Variants in AGAP1 observed in about 807,000 individuals in gnomAD.
The protein encoded by AGAP1 is ArfGAP with GTPase domain, ankyrin repeat and PH domain 1.
Under a neutral mutation model 105.3 loss-of-function variants are expected in AGAP1, and 29 were observed. That is an observed-to-expected ratio of 0.28 (90% CI 0.21 to 0.38). The LOEUF is 0.38. Among genes scored for constraint, AGAP1 ranks in the 10% least tolerant of loss-of-function variants. The probability of loss-of-function intolerance (pLI) is 1.00; values close to 1 mark genes in which losing one functional copy is unlikely to be tolerated. For synonymous variants in AGAP1, 509 were observed against 485.9 expected (o/e 1.05, Z -0.63); for missense variants, 998 against 1,165.1 (o/e 0.86, Z 2.09).
At chr2:235,858,601 T>C (rs1454795795) in intron 9 of AGAP1, among the ~76,000 whole-genome samples, 1 of 152,142 alleles carries the variant, frequency 6.6e-6, no homozygotes, top group South Asian at 2.1e-4. Context: ...TAAAAAAAAA[T>C]ATGAACTAGT....
intron 12 of AGAP1, among the ~76,000 whole-genome samples, chr2:235,942,296 T>C (rs1040735177): frequency 1.3e-4 from 20 of 152,170 alleles, no homozygotes; most frequent in African/African-American, 4.6e-4. Context: ...GAAATTTGCA[T>C]CTCGTTCTTT....
intron 1 of AGAP1, among the ~76,000 whole-genome samples, chr2:235,588,192 T>G (rs1945191930): frequency 6.7e-6 from 1 of 149,362 alleles, no homozygotes; most frequent in African/African-American, 2.5e-5. Context: ...ATTGTACCAC[T>G]GCACTCAGCC....
In AGAP1 at chr2:236,009,104, T is replaced by C. The variant is rs1576044590; in HGVS notation, c.1646-27457T>C. Among the ~76,000 whole-genome samples, 2 of 152,208 alleles carry C rather than the reference T, an allele frequency of 1.3e-5. No individual in the cohort carries two copies. The highest frequency in any genetic ancestry group is 2.4e-5 in the African/African-American group (1 of 41,456). ...GCTCTCCGCTAGGAAGCGGCCATCA[T>C]GTCAAGCCCCTTCACAGCTAAAGTA... On this transcript the variant is annotated intron_variant, in intron 13 of 17. Transcript: ENST00000304032. This position sits in a 1 kb window ranked among gnomAD's most constrained non-coding sequence, Gnocchi z 4.2.
At chr2:235,643,431 C>CAAAAAAAAAAAAAAAA (rs56146940) in intron 1 of AGAP1, among the ~76,000 whole-genome samples, 11 of 61,418 alleles carry the variant, frequency 1.8e-4, no homozygotes, top group African/African-American at 7.5e-4. Context: ...GACTGGGTCT[C>CAAAAAAAAAAAAAAAA]AAAAAAAAAA....
At chr2:236,047,791 A>G (rs931922911) in intron 15 of AGAP1, among the ~76,000 whole-genome samples, 1 of 151,266 alleles carries the variant, frequency 6.6e-6, no homozygotes, top group Non-Finnish European at 1.5e-5. Flanking sequence ...TAGTAGAGAC[A>G]GGGTTTCACC....
chr2:236,022,029 A>T (rs531315099), intron 13 of AGAP1, among the ~76,000 whole-genome samples: 1 of 139,316 alleles, frequency 7.2e-6, no homozygotes, highest in East Asian at 2.2e-4. Flanking sequence ...ACTGCACTCC[A>T]GTCTGGGCGA....
At chr2:235,531,416 T>C (rs1943040321) in intron 1 of AGAP1, among the ~76,000 whole-genome samples, 1 of 152,172 alleles carries the variant, frequency 6.6e-6, no homozygotes, top group Non-Finnish European at 1.5e-5. Flanking sequence ...TCTGCCCTGC[T>C]CTGTGGCTGC....
At position 236,042,592 on chromosome 2, in the gene AGAP1, C is replaced by T. The variant is rs1332589330; in HGVS notation, c.1891+1751C>T. On this transcript the variant is annotated intron_variant, in intron 15 of 17. Coordinates refer to ENST00000304032, the MANE Select transcript of AGAP1 (RefSeq NM_001037131.3). This position sits in a 1 kb window ranked among gnomAD's most constrained non-coding sequence, Gnocchi z 5.6. ...GGAAAATGCCTGCAGTTGTTTCCACCGTGCGTCTGAAGGTCGCTTTAAAAG... is the reference window on the plus strand; with the variant it reads ...GGAAAATGCCTGCAGTTGTTTCCACTGTGCGTCTGAAGGTCGCTTTAAAAG... 3.9e-5 allele frequency among the ~76,000 whole-genome samples: 6 copies of T among 152,238 alleles called. No individual in the cohort carries two copies. The highest frequency in any genetic ancestry group is 1.9e-4 in the East Asian group (1 of 5,170).
Position 235,625,628 on chromosome 2 carries a change from C to G in AGAP1, c.164-83551C>G, listed in dbSNP as rs1175497267. The stretch of plus-strand genomic sequence containing the variant: ...TAATAGGGAACAACATAAATGAGGG[C>G]AGGTGTGTGTTTCAGGGATCTTTGT... On this transcript the variant is annotated intron_variant, in intron 1 of 17. Transcript: ENST00000304032. The surrounding 1 kb of genome is among the most constrained non-coding windows in gnomAD (Gnocchi z 4.0). Among the ~76,000 whole-genome samples, 3 of 152,164 alleles carry G rather than the reference C, an allele frequency of 2.0e-5. No individual in the cohort carries two copies. The highest frequency in any genetic ancestry group is 6.5e-5 in the Admixed American group (1 of 15,282).
intron 12 of AGAP1, among the ~76,000 whole-genome samples, chr2:235,933,135 G>A (rs757022601): frequency 1.3e-5 from 2 of 152,162 alleles, no homozygotes; most frequent in Admixed American, 6.5e-5. Flanking sequence ...TGTGCAGGTC[G>A]TTTAAGGATT....
rs1378589691 is a variant in AGAP1, at chr2:235,556,897, T to C, written c.163+62048T>C. ...GTGGTCTTTTGCTCTTCATTGGCAA[T>C]GTAGAAGTCAAGTTTGAACTGAGGG... On this transcript the variant is annotated intron_variant, in intron 1 of 17. Transcript: ENST00000304032. This position sits in a 1 kb window ranked among gnomAD's most constrained non-coding sequence, Gnocchi z 5.3. Among the ~76,000 whole-genome samples, 1 of 152,296 alleles carries C rather than the reference T, an allele frequency of 6.6e-6. No homozygotes were observed. Among genetic ancestry groups the C allele is most frequent in the Admixed American group, 6.5e-5 (1 of 15,296 alleles).
At chr2:236,122,539 C>T (rs968043664) in intron 17 of AGAP1, among the ~76,000 whole-genome samples, 5 of 152,174 alleles carry the variant, frequency 3.3e-5, no homozygotes, top group South Asian at 2.1e-4. Flanking sequence ...CACTCTTTTT[C>T]ATGAGCAAAA....
chr2:235,807,431 C>A (rs41269843), intron 9 of AGAP1, 100 bp downstream of exon 9: 16,488 of 1,027,640 alleles, frequency 0.016, 187 homozygotes, highest in Non-Finnish European at 0.019. Context: ...GTCTGATGTG[C>A]TCTGTTGATG....
rs1574773142 is a variant in AGAP1, at chr2:235,528,507, AGT to A, written c.163+33664_163+33665del. On this transcript the variant is annotated intron_variant, in intron 1 of 17. Coordinates refer to ENST00000304032, the MANE Select transcript of AGAP1 (RefSeq NM_001037131.3). ...GAAATGCAGGGAAAAGTCGAAGCACAGTGTGTGGGAGTTGCATATGGCGAGAT... is the reference window on the plus strand; with the variant it reads ...GAAATGCAGGGAAAAGTCGAAGCACAGTGTGGGAGTTGCATATGGCGAGAT... Among the ~76,000 whole-genome samples, 3 of 152,132 alleles carry A rather than the reference AGT, an allele frequency of 2.0e-5. No individual in the cohort carries two copies. The East Asian group carries it at 5.8e-4, about 29-fold the overall frequency.
chr2:235,815,811 G>C (rs926750576), intron 9 of AGAP1, among the ~76,000 whole-genome samples: 5 of 152,216 alleles, frequency 3.3e-5, no homozygotes, highest in Non-Finnish European at 5.9e-5. Flanking sequence ...AAATAAGACT[G>C]TTGCTGGAAC....
At chr2:236,072,124 G>C (rs894009108) in intron 16 of AGAP1, among the ~76,000 whole-genome samples, 1 of 142,378 alleles carries the variant, frequency 7.0e-6, no homozygotes, top group Non-Finnish European at 1.5e-5. Context: ...CTTCGTTGTG[G>C]GTTTTTTTTT....
rs539628737 is a variant in AGAP1, at chr2:236,053,115, G to C, written c.2114+3834G>C. Reference sequence around the variant, plus strand: ...AGCTGGGCCGGGGGCCACCAGCCAGGCGGGGCTCTGGGTTCCAGTGTTAGA... The same window carrying C: ...AGCTGGGCCGGGGGCCACCAGCCAGCCGGGGCTCTGGGTTCCAGTGTTAGA... On this transcript the variant is annotated intron_variant, in intron 16 of 17. Transcript: ENST00000304032. This position sits in a 1 kb window ranked among gnomAD's most constrained non-coding sequence, Gnocchi z 4.6. 9.2e-5 allele frequency among the ~76,000 whole-genome samples: 14 copies of C among 152,308 alleles called. No homozygotes were observed. Among genetic ancestry groups the C allele is most frequent in the Admixed American group, 5.2e-4 (8 of 15,296 alleles).
At chr2:235,823,569 C>G (rs969038247) in intron 9 of AGAP1, among the ~76,000 whole-genome samples, 2 of 152,198 alleles carry the variant, frequency 1.3e-5, no homozygotes, top group Non-Finnish European at 2.9e-5. Flanking sequence ...AGAGCTTGCT[C>G]AAGGTCCTTC....
Position 236,051,553 on chromosome 2 carries a change from G to A in AGAP1, c.2114+2272G>A, listed in dbSNP as rs12618725. Among the ~76,000 whole-genome samples, 3 of 151,980 alleles carry A rather than the reference G, an allele frequency of 2.0e-5. No homozygotes were observed. The highest frequency in any genetic ancestry group is 4.4e-5 in the Non-Finnish European group (3 of 67,988). On this transcript the variant is annotated intron_variant, in intron 16 of 17. Transcript: ENST00000304032. The surrounding 1 kb of genome is among the most constrained non-coding windows in gnomAD (Gnocchi z 5.9). The stretch of plus-strand genomic sequence containing the variant: ...GGCCTCGGTGGATGCAGGCTCGGCC[G>A]GGCCTGTGGGGAGGTGTGCCTGTCG...
Sources: allele counts gnomAD v4.1 joint callset (sites outside exome capture counted in the v4.1 genomes callset), GRCh38; gene constraint gnomAD v4.1.1; non-coding constraint Gnocchi (gnomAD v3.1); transcripts MANE v1.5; gene names NCBI Gene and HGNC (gene_info 2026-07-23, HGNC 2026-07-21).